The following PUM3 variants were observed in gnomAD, a reference collection of about 807,000 sequenced individuals.
The protein encoded by PUM3 is pumilio RNA binding family member 3.
In PUM3, 91 loss-of-function variants were observed where a neutral mutation model predicts 84.0. The ratio of observed to expected loss-of-function variants is 1.08; its 90% confidence interval spans 0.91 to 1.29. The LOEUF (loss-of-function observed/expected upper bound fraction) is 1.29, where lower values mean the gene tolerates loss of function less well. Among genes scored for constraint, PUM3 ranks in the 50% most tolerant of loss-of-function variants. The pLI, the probability that PUM3 is intolerant of heterozygous loss-of-function variation, is 0.00. For missense variants in PUM3, 1,067 were observed against 767.5 expected (o/e 1.39, Z -4.61); for synonymous variants, 321 against 266.7 (o/e 1.20, Z -1.98).
At chr9:2,832,175 G>T (rs1351552379) in intron 5 of PUM3, among the ~76,000 whole-genome samples, 1 of 152,072 alleles carries the variant, frequency 6.6e-6, no homozygotes, top group Non-Finnish European at 1.5e-5. Flanking sequence ...CATCTCTTAA[G>T]TATCTCTTAA....
chr9:2,833,917 C>T, intron 4 of PUM3, 114 bp downstream of exon 4: 1 of 1,113,694 alleles, frequency 9.0e-7, no homozygotes, highest in East Asian at 2.4e-5. Flanking sequence ...TGAGGACCCC[C>T]TCAATAACCC....
intron 6 of PUM3, 99 bp downstream of exon 6, chr9:2,831,152 C>G: frequency 2.9e-6 from 3 of 1,042,620 alleles, no homozygotes; most frequent in Non-Finnish European, 4.3e-6. Flanking sequence ...GAAGACAAAC[C>G]TAAACAAAAA....
intron 13 of PUM3, among the ~76,000 whole-genome samples, chr9:2,818,420 A>G (rs1821518279): frequency 6.6e-6 from 1 of 152,250 alleles, no homozygotes; most frequent in Non-Finnish European, 1.5e-5. Flanking sequence ...CTTTGGAAAA[A>G]AATTAACAGA....
chr9:2,842,872 C>T (rs1184251145), intron 1 of PUM3, among the ~76,000 whole-genome samples: 1 of 152,158 alleles, frequency 6.6e-6, no homozygotes, highest in South Asian at 2.1e-4. Context: ...CCTGCCCTAT[C>T]GTCCTCCATC....
At chr9:2,843,844 C>G (rs559807275) in intron 1 of PUM3, among the ~76,000 whole-genome samples, 2 of 152,124 alleles carry the variant, frequency 1.3e-5, no homozygotes, top group South Asian at 2.1e-4. Context: ...TCCCAAAGTG[C>G]TGGGATTACA....
chr9:2,810,315 A>G, intron 16 of PUM3, 29 bp downstream of exon 16: 1 of 1,418,974 alleles, frequency 7.0e-7, no homozygotes, highest in Non-Finnish European at 1.0e-6. Flanking sequence ...CACATGAGAT[A>G]CAAGAAAAGG....
At chr9:2,834,277 A>G (rs1426269281) in intron 3 of PUM3, 111 bp from the exon 4 acceptor site, 11 of 892,950 alleles carry the variant, frequency 1.2e-5, no homozygotes, top group African/African-American at 1.7e-5. Context: ...CTCATTCTGG[A>G]AGCTAAAAAG....
intron 1 of PUM3, among the ~76,000 whole-genome samples, chr9:2,841,195 A>T (rs543203272): frequency 2.6e-5 from 4 of 152,182 alleles, no homozygotes; most frequent in Non-Finnish European, 5.9e-5. Flanking sequence ...ATAGTTTCAG[A>T]ATTGCTAACC....
intron 13 of PUM3, among the ~76,000 whole-genome samples, chr9:2,815,994 G>A (rs1821459996): frequency 6.6e-6 from 1 of 152,164 alleles, no homozygotes; most frequent in Non-Finnish European, 1.5e-5. Flanking sequence ...CTCCTGTTTT[G>A]CCAATGCGCT....
At chr9:2,842,038 C>G (rs1188808066) in intron 1 of PUM3, among the ~76,000 whole-genome samples, 6 of 152,170 alleles carry the variant, frequency 3.9e-5, no homozygotes, top group Admixed American at 3.9e-4. Context: ...ATTAGGTTTT[C>G]ACTCCTGTTT....
chr9:2,833,462 T>C (rs746403866), intron 4 of PUM3, 30 bp from the exon 5 acceptor site: 9 of 1,256,066 alleles, frequency 7.2e-6, no homozygotes, highest in East Asian at 7.1e-5. Context: ...GGAAACACAG[T>C]TGAAATAAAG....
Position 2,831,007 on chromosome 9 carries a change from T to G in PUM3, c.632A>C (p.Lys211Thr). The G allele has an allele frequency of 6.7e-7, 1 of 1,493,506 alleles. No homozygotes were observed. The allele number at this position is 1,493,506 out of a possible 1,614,324, so 92.5% of individuals were successfully genotyped here. A position where few individuals can be genotyped will look rare whatever the true frequency, so the allele number is the denominator to read the frequency against. ...AACAATATTTCTCGAATATTTGGCT[T>G]TACTTAACTCAACCAAATCATCTGA... ...ELRDDLVELSKAKYSRNIVKK... is the reference protein window; with the variant it reads ...ELRDDLVELSTAKYSRNIVKK... The change falls in exon 7 of 18, where the codon AAA becomes ACA. Residue 211 changes from lysine (K) to threonine (T), a missense_variant. Physicochemically the swap from Lys to Thr is moderately conservative, Grantham distance 78. Transcript: ENST00000397885.
chr9:2,831,928 G>T (rs1026739397), intron 5 of PUM3, among the ~76,000 whole-genome samples: 2 of 152,136 alleles, frequency 1.3e-5, no homozygotes, highest in Non-Finnish European at 2.9e-5. Context: ...AAGAGTTGTT[G>T]TGTTTTGAAT....
Position 2,812,798 on chromosome 9 carries a change from G to T in PUM3, c.1270-436C>A, listed in dbSNP as rs577778521. Reference sequence around the variant, plus strand: ...CCAAGGACTTAAAAAATATTTAAAGGTGTTATCTTCATTCATTATGGCCAG... The same window carrying T: ...CCAAGGACTTAAAAAATATTTAAAGTTGTTATCTTCATTCATTATGGCCAG... On this transcript the variant is annotated intron_variant, in intron 13 of 17. Transcript: ENST00000397885. Among the ~76,000 whole-genome samples the T allele has an allele frequency of 3.9e-5, 6 of 152,224 alleles. No homozygotes were observed. The East Asian group carries it at 1.2e-3, about 29-fold the overall frequency.
In PUM3 at chr9:2,828,694, G is replaced by C. The variant is rs143778583; in HGVS notation, c.937C>G (p.Leu313Val). Reference protein sequence around the residue: ...ELIMDEMKQILTPMAQKEAVI... With the variant: ...ELIMDEMKQIVTPMAQKEAVI... ...TCTTACTTTTGGGCCATTGGAGTTA[G>C]AATCTGTTTCATTTCATCCATAATA... Residue 313 changes from leucine to valine, a missense_variant, in exon 9 of 18, where the codon CTA becomes GTA. Physicochemically the swap from Leu to Val is conservative, Grantham distance 32. Coordinates refer to ENST00000397885, the MANE Select transcript of PUM3 (RefSeq NM_014878.5). 15 of 1,597,114 alleles carry C rather than the reference G, an allele frequency of 9.4e-6. No individual in the cohort carries two copies. The highest frequency in any genetic ancestry group is 1.3e-5 in the Non-Finnish European group (15 of 1,164,930).
At chr9:2,809,575 C>T (rs540984118) in intron 16 of PUM3, among the ~76,000 whole-genome samples, 49 of 152,188 alleles carry the variant, frequency 3.2e-4, no homozygotes, top group African/African-American at 1.0e-3. Flanking sequence ...TGCCACTTGC[C>T]GCAAGACATG....
chr9:2,813,467 T>G (rs1166904953), intron 13 of PUM3, among the ~76,000 whole-genome samples: 1 of 152,194 alleles, frequency 6.6e-6, no homozygotes, highest in African/African-American at 2.4e-5. Flanking sequence ...CTGGCCAGGT[T>G]TACAGATGAG....
rs76368009 is a variant in PUM3, at chr9:2,828,867, A to C, written c.853-89T>G. ...GAAAAGTAATTAGTCATTTTAAAATAAGTTTTAACAAATTTAAGATTTCCC... is the reference window on the plus strand; with the variant it reads ...GAAAAGTAATTAGTCATTTTAAAATCAGTTTTAACAAATTTAAGATTTCCC... On this transcript the variant is annotated intron_variant, in intron 8 of 17. Transcript: ENST00000397885. 251 of 771,904 alleles carry C rather than the reference A, an allele frequency of 3.3e-4. 2 individuals carry two copies. The East Asian group carries it at 5.5e-3, about 17-fold the overall frequency. The allele number at this position is 771,904 out of a possible 1,614,324, so 47.8% of individuals were successfully genotyped here.
Position 2,837,199 on chromosome 9 carries a change from C to G in PUM3, c.285G>C (p.Gln95His), listed in dbSNP as rs1291987634. The change falls in exon 3 of 18, where the codon CAG becomes CAC. Residue 95 changes from glutamine to histidine, a missense_variant. Coordinates refer to ENST00000397885, the MANE Select transcript of PUM3 (RefSeq NM_014878.5). ...ANKFNKKRKF[Q>H]PDGRSDESAA... ...ACTTACCATCGCTTCTACCATCTGG[C>G]TGGAATTTTCTCTTCTTGTTGAATT... The G allele has an allele frequency of 6.2e-7, 1 of 1,614,054 alleles. No individual in the cohort carries two copies. The highest frequency in any genetic ancestry group is 8.5e-7 in the Non-Finnish European group (1 of 1,179,924).
Sources: gnomAD v4.1 joint callset for allele counts (sites outside exome capture counted in the v4.1 genomes callset) on GRCh38, gnomAD v4.1.1 for gene constraint, MANE v1.5 for transcripts, NCBI Gene and HGNC (gene_info 2026-07-23, HGNC 2026-07-21) for gene names.